ARAP2: variants seen among roughly 807,000 people sequenced by gnomAD.
The protein encoded by ARAP2 is arf-GAP with Rho-GAP domain, ANK repeat and PH domain-containing protein 2.
In ARAP2, 148 loss-of-function variants were observed where a neutral mutation model predicts 194.5. The observed-to-expected ratio is 0.76, with a 90% CI of 0.67 to 0.87. The LOEUF is 0.87. Among genes scored for constraint, ARAP2 ranks in the 40% least tolerant of loss-of-function variants. The pLI, the probability that ARAP2 is intolerant of heterozygous loss-of-function variation, is 0.00. For missense variants in ARAP2, 2,128 were observed against 1,989.7 expected (o/e 1.07, Z -1.32); for synonymous variants, 695 against 683.5 (o/e 1.02, Z -0.26).
At chr4:36,204,289 T>C (rs1745062213) in intron 6 of ARAP2, among the ~76,000 whole-genome samples, 2 of 152,240 alleles carry the variant, frequency 1.3e-5, no homozygotes, top group Non-Finnish European at 2.9e-5. Flanking sequence ...GGATCTAGAA[T>C]ACAAATTACT....
chr4:36,186,515 CG>C (rs1740606622), intron 8 of ARAP2, among the ~76,000 whole-genome samples: 1 of 152,202 alleles, frequency 6.6e-6, no homozygotes, highest in African/African-American at 2.4e-5. Flanking sequence ...TCAGCTAAAG[CG>C]GGGGTCCCCA....
chr4:36,017,564 T>G (rs1163506448), intron 6 of ARAP2, among the ~76,000 whole-genome samples: 1 of 42,578 alleles, frequency 2.3e-5, no homozygotes, highest in African/African-American at 1.2e-4. Flanking sequence ...AAGAAAGTGG[T>G]AAAAAAAAAA....
intron 9 of ARAP2, among the ~76,000 whole-genome samples, chr4:36,009,747 C>G (rs1480810160): frequency 1.3e-5 from 2 of 151,802 alleles, no homozygotes; most frequent in Non-Finnish European, 2.9e-5. Context: ...TCTCATTTCA[C>G]TGAGAACATC....
At chr4:36,030,201 C>T (rs1718675529) in intron 5 of ARAP2, among the ~76,000 whole-genome samples, 1 of 152,040 alleles carries the variant, frequency 6.6e-6, no homozygotes, top group South Asian at 2.1e-4. Flanking sequence ...TCTTGGCTCA[C>T]ACTTTTCTTT....
At chr4:36,242,099 A>T (rs1753630866) in intron 1 of ARAP2, among the ~76,000 whole-genome samples, 3 of 152,218 alleles carry the variant, frequency 2.0e-5, no homozygotes, top group Non-Finnish European at 4.4e-5. Context: ...CAATACTTAC[A>T]AGTAATAACT....
intron 6 of ARAP2, among the ~76,000 whole-genome samples, chr4:36,209,632 T>C (rs1233519756): frequency 2.6e-5 from 4 of 152,116 alleles, no homozygotes; most frequent in African/African-American, 9.7e-5. Flanking sequence ...ACCAGCACAC[T>C]GTAGGGACTC....
intron 7 of ARAP2, among the ~76,000 whole-genome samples, chr4:36,191,264 TAAGTC>T (rs1228927558): frequency 1.3e-5 from 2 of 152,106 alleles, no homozygotes; most frequent in African/African-American, 2.4e-5. Context: ...TCACTAGAAA[TAAGTC>T]AAGTAGCACT....
At position 36,229,442 on chromosome 4, in the gene ARAP2, T is replaced by G; in HGVS notation, c.45A>C (p.Leu15=). 1 of 1,613,168 alleles carries G rather than the reference T, an allele frequency of 6.2e-7. No individual in the cohort carries two copies. Among genetic ancestry groups the G allele is most frequent in the South Asian group, 1.1e-5 (1 of 91,022 alleles). Residue 15 remains leucine (L), a synonymous_variant, in exon 2 of 33, where the codon CTA becomes CTC. Coordinates refer to ENST00000303965, the MANE Select transcript of ARAP2 (RefSeq NM_015230.4). ...GATACTGCTCCAAATTAATGCTCAT[T>G]AGGAAATCTTTTATATCCACATTTA... ...SEVNVDIKDF[L]MSINLEQYLL...
chr4:36,115,868 G>A (rs912947118), intron 25 of ARAP2, among the ~76,000 whole-genome samples: 6 of 151,952 alleles, frequency 3.9e-5, no homozygotes, highest in Admixed American at 1.3e-4. Context: ...GGTGAAACTG[G>A]AAAGTCCTTT....
rs543648979 is a variant in ARAP2, at chr4:36,144,934, T to C, written c.3263+2362A>G. 3.3e-5 allele frequency among the ~76,000 whole-genome samples: 5 copies of C among 152,088 alleles called. No individual in the cohort carries two copies. The South Asian group carries it at 1.0e-3, about 32-fold the overall frequency. ...ACTTCCACTTAATGAATAGTAAATATGTTTTCCCTTATGATTTTAATAGCA... is the reference window on the plus strand; with the variant it reads ...ACTTCCACTTAATGAATAGTAAATACGTTTTCCCTTATGATTTTAATAGCA... On this transcript the variant is annotated intron_variant, in intron 19 of 32. Coordinates refer to ENST00000303965, the MANE Select transcript of ARAP2 (RefSeq NM_015230.4).
intron 5 of ARAP2, among the ~76,000 whole-genome samples, chr4:36,019,986 T>G (rs1165258855): frequency 2.0e-5 from 3 of 152,048 alleles, no homozygotes; most frequent in Non-Finnish European, 4.4e-5. Flanking sequence ...CATAACAGAG[T>G]TGAATTTATA....
intron 19 of ARAP2, among the ~76,000 whole-genome samples, chr4:36,140,079 C>T (rs757107575): frequency 8.0e-5 from 12 of 150,158 alleles, no homozygotes; most frequent in Non-Finnish European, 1.6e-4. Context: ...TACTAAAGTC[C>T]TTCATTGGAT....
chr4:36,015,596 A>C (rs1715638663), exon 8 of ARAP2: 1 of 152,212 alleles, frequency 6.6e-6, no homozygotes, highest in African/African-American at 2.4e-5. Flanking sequence ...GATTCTTCAC[A>C]TATGGTATAT....
chr4:36,065,130 T>A (rs1010324637), downstream of ARAP2: 1 of 281,048 alleles, frequency 3.6e-6, no homozygotes, highest in African/African-American at 2.2e-5. Context: ...TCCAATGACT[T>A]CTTCAGCCTC....
intron 2 of ARAP2, among the ~76,000 whole-genome samples, chr4:36,224,040 AC>A (rs1749717465): frequency 6.6e-6 from 1 of 151,890 alleles, no homozygotes; most frequent in African/African-American, 2.4e-5. Flanking sequence ...TGTTCAGCAT[AC>A]CTAGAGGTTT....
chr4:36,210,529 T>C lies in ARAP2; in HGVS notation c.1348A>G (p.Ser450Gly). The change falls in exon 6 of 33, where the codon AGT (serine) becomes GGT (glycine). Residue 450 changes from serine (S) to glycine (G), a missense_variant. Ser to Gly is a moderately conservative substitution (Grantham distance 56, BLOSUM62 0). Transcript: ENST00000303965. ...CCACTTGTTGAGCTTAACGGATAACTGTGCCTATTAACGGAGTCCAAAATC... is the reference window on the plus strand; with the variant it reads ...CCACTTGTTGAGCTTAACGGATAACCGTGCCTATTAACGGAGTCCAAAATC... The part of the protein sequence containing the change: ...ALILDSVNRH[S>G]YPLSSTSGNA... 1.9e-6 allele frequency: 3 copies of C among 1,613,980 alleles called. No homozygotes were observed. The highest frequency in any genetic ancestry group is 1.6e-4 in the Middle Eastern group (1 of 6,062).
At chr4:36,233,391 G>A (rs547917604) in intron 1 of ARAP2, among the ~76,000 whole-genome samples, 26 of 143,982 alleles carry the variant, frequency 1.8e-4, no homozygotes, top group African/African-American at 5.1e-4. Flanking sequence ...TGGGTCCTAC[G>A]AGTCTACACT....
At chr4:36,095,326 C>T (rs1002683888) in intron 27 of ARAP2, among the ~76,000 whole-genome samples, 8 of 152,170 alleles carry the variant, frequency 5.3e-5, no homozygotes, top group Non-Finnish European at 8.8e-5. Flanking sequence ...TTCTAAATGG[C>T]TAAATGTGTT....
At chr4:36,184,583 C>CA (rs1740073405) in intron 8 of ARAP2, among the ~76,000 whole-genome samples, 1 of 152,294 alleles carries the variant, frequency 6.6e-6, no homozygotes, top group East Asian at 1.9e-4. Context: ...ACTTTTTAAA[C>CA]ATGTGTGGAT....
Sources: gnomAD v4.1 joint callset for allele counts (sites outside exome capture counted in the v4.1 genomes callset) on GRCh38, gnomAD v4.1.1 for gene constraint, MANE v1.5 for transcripts, NCBI Gene and HGNC (gene_info 2026-07-23, HGNC 2026-07-21) for gene names.